Variants in SLC9A6 observed in about 807,000 individuals in gnomAD.
The protein encoded by SLC9A6 is sodium/hydrogen exchanger 6.
A neutral mutation model predicts 45.3 loss-of-function variants in SLC9A6; 6 were observed. The ratio of observed to expected loss-of-function variants is 0.13; its 90% CI spans 0.07 to 0.26. The LOEUF is 0.26. Ranked by LOEUF, SLC9A6 falls within the 10% of genes least tolerant of loss-of-function variation. The probability of loss-of-function intolerance (pLI) is 1.00; values close to 1 mark genes in which losing one functional copy is unlikely to be tolerated. For missense variants in SLC9A6, 278 were observed against 503.7 expected (o/e 0.55, Z 4.29); for synonymous variants, 191 against 187.7 (o/e 1.02, Z -0.14).
At chrX:136,021,213 T>C (rs1287272330) in intron 11 of SLC9A6, among the ~76,000 whole-genome samples, 1 of 111,740 alleles carries the variant, frequency 8.9e-6, no homozygotes, top group African/African-American at 3.3e-5. Flanking sequence ...TCTGTATCTC[T>C]GTTAAGCTCA....
At chrX:135,986,114 G>T (rs1010903241) in intron 2 of SLC9A6, among the ~76,000 whole-genome samples, 2 of 110,174 alleles carry the variant, frequency 1.8e-5, no homozygotes, top group Admixed American at 9.6e-5. Flanking sequence ...TACCAAGCTC[G>T]GGACCCGGGG....
rs1241262472 is a variant in SLC9A6 at position 135,999,161 on chromosome X, CT to C, written c.637+206del. On this transcript the variant is annotated intron_variant, in intron 6 of 17. Transcript: ENST00000630721. ...TCAGCACAAATTTGTTTTCCTTTTC[CT>C]TTTTTTTTTTTTAATTACATTTGCC... Among the ~76,000 whole-genome samples the C allele has an allele frequency of 3.7e-3, 370 of 99,982 alleles. 1 individual carries two copies. Among genetic ancestry groups the C allele is most frequent in the African/African-American group, 6.8e-3 (188 of 27,817 alleles). 86.8% of individuals were successfully genotyped at this position (99,982 alleles called of 115,157 possible).
chrX:136,026,105 T>C (rs1447281622), intron 13 of SLC9A6, among the ~76,000 whole-genome samples: 1 of 112,375 alleles, frequency 8.9e-6, no homozygotes, highest in Non-Finnish European at 1.9e-5. Context: ...ATTATAATAT[T>C]GTCTTATAGT....
At chrX:135,978,745 G>C (rs2089273840) in intron 1 of SLC9A6, among the ~76,000 whole-genome samples, 1 of 111,129 alleles carries the variant, frequency 9.0e-6, no homozygotes, top group Non-Finnish European at 1.9e-5. Context: ...AGAAAATAAA[G>C]TGAAACTGAT....
chrX:135,999,006 G>A (rs376249308), intron 6 of SLC9A6, 38 bp downstream of exon 6: 17 of 857,606 alleles, frequency 2.0e-5, no homozygotes, highest in Non-Finnish European at 3.0e-5. Context: ...TACTTGAGGT[G>A]CATTGTTTTG....
In SLC9A6 at chrX:135,992,461, A is replaced by G. The variant is rs141933593; in HGVS notation, c.170-2325A>G. On this transcript the variant is annotated intron_variant, in intron 2 of 17. Coordinates refer to ENST00000630721, the MANE Select transcript of SLC9A6 (RefSeq NM_001379110.1). ...TATGACTTCATTTTACTTTTGGGAT[A>G]AACTTCAAATTCCCTTCCCCAACAG... 3.0e-3 allele frequency among the ~76,000 whole-genome samples: 340 copies of G among 111,772 alleles called. 1 individual carries two copies. The highest frequency in any genetic ancestry group is 9.2e-3 in the Middle Eastern group (2 of 218).
intron 10 of SLC9A6, among the ~76,000 whole-genome samples, chrX:136,013,775 G>A (rs1370283273): frequency 8.9e-6 from 1 of 112,176 alleles, no homozygotes; most frequent in Non-Finnish European, 1.9e-5. Context: ...AACTACTGCT[G>A]TGTGACGTAG....
chrX:135,974,804 C>CA (rs1412811873), intron 1 of SLC9A6: 1 of 311,067 alleles, frequency 3.2e-6, no homozygotes, highest in Non-Finnish European at 6.5e-6. Context: ...AAGATTCGCG[C>CA]AAAAAGAGGT....
chrX:135,998,796 A>G, intron 5 of SLC9A6, 60 bp from the exon 6 acceptor site: 2 of 850,165 alleles, frequency 2.4e-6, no homozygotes, highest in Non-Finnish European at 3.5e-6. Flanking sequence ...TTCTTACTTT[A>G]TCCTAATTTT....
chrX:136,029,630 T>C (rs1243533570), intron 14 of SLC9A6: 1 of 121,526 alleles, frequency 8.2e-6, no homozygotes, highest in African/African-American at 3.2e-5. Context: ...AGCAGGAATT[T>C]TAAACAGATA....
intron 15 of SLC9A6, chrX:136,030,449 G>A (rs2071301196): frequency 1.8e-5 from 6 of 328,677 alleles, no homozygotes; most frequent in East Asian, 5.4e-5. Flanking sequence ...GCACTCCTGG[G>A]TTTTCGAGTG....
chrX:135,973,922 G>A (rs782660813), upstream of SLC9A6: 63 of 1,131,206 alleles, frequency 5.6e-5, no homozygotes, highest in Middle Eastern at 1.7e-3. Context: ...GGCCTCTCTA[G>A]GAGGGCCGGA....
chrX:135,983,791 T>TAAGC (rs1353912335), upstream of SLC9A6: 1 of 106,805 alleles, frequency 9.4e-6, no homozygotes, highest in Non-Finnish European at 1.9e-5. Context: ...AGTTAGCAGG[T>TAAGC]AAGCTCATTT....
At chrX:136,007,661 A>G (rs1556618147) in intron 7 of SLC9A6, among the ~76,000 whole-genome samples, 1 of 111,763 alleles carries the variant, frequency 8.9e-6, no homozygotes, top group Non-Finnish European at 1.9e-5. Flanking sequence ...TAATCTTTAT[A>G]AACAATAAAG....
chrX:136,042,875 C>A (rs1335481834), intron 17 of SLC9A6, among the ~76,000 whole-genome samples: 2 of 111,185 alleles, frequency 1.8e-5, no homozygotes, highest in African/African-American at 6.5e-5. Flanking sequence ...TGTATTCAGT[C>A]TCTTATGGAT....
chrX:135,987,404 G>C (rs1004435153), intron 2 of SLC9A6, among the ~76,000 whole-genome samples: 7 of 111,729 alleles, frequency 6.3e-5, no homozygotes, highest in Non-Finnish European at 1.3e-4. Context: ...GTCACTTATA[G>C]GCAGGTCATA....
rs1401623269 is a variant in SLC9A6, at chrX:136,044,510, G to C, written c.1826G>C (p.Ser609Thr). 22 of 1,205,810 alleles carry C rather than the reference G, an allele frequency of 1.8e-5. No homozygotes were observed. The highest frequency in any genetic ancestry group is 2.4e-5 in the Non-Finnish European group (21 of 890,015). Residue 609 changes from serine (S) to threonine (T), a missense_variant, in exon 18 of 18, where the codon AGT becomes ACT. Ser to Thr is a moderately conservative substitution (Grantham distance 58). This residue lies in a region of SLC9A6 where 91 missense variants were observed against 125.1 expected (regional missense o/e 0.73). Transcript: ENST00000630721. ...CTTATTCTCAATGATGGTGACATCAGTTTGACATATGGAGATTCTACTGTG... is the reference window on the plus strand; with the variant it reads ...CTTATTCTCAATGATGGTGACATCACTTTGACATATGGAGATTCTACTGTG... ...SDLILNDGDI[S>T]LTYGDSTVNT... is the part of the protein sequence containing the mutation.
chrX:135,981,017 A>C (rs1167144302), upstream of SLC9A6, among the ~76,000 whole-genome samples: 1 of 112,223 alleles, frequency 8.9e-6, no homozygotes, highest in Non-Finnish European at 1.9e-5. Flanking sequence ...ATGACAGTAC[A>C]TCATGGGAGC....
At chrX:136,040,610 A>T (rs2071491262) in intron 17 of SLC9A6, among the ~76,000 whole-genome samples, 1 of 111,724 alleles carries the variant, frequency 9.0e-6, no homozygotes, top group Non-Finnish European at 1.9e-5. Flanking sequence ...CACACCTCCC[A>T]ACCTTTGGAT....
Sources: gnomAD v4.1 joint callset for allele counts (sites outside exome capture counted in the v4.1 genomes callset) on GRCh38, gnomAD v4.1.1 for gene constraint, gnomAD v4.1.1 regional missense constraint, MANE v1.5 for transcripts, NCBI Gene and HGNC (gene_info 2026-07-23, HGNC 2026-07-21) for gene names.